Variants in NREP observed in about 807,000 individuals in gnomAD.
NREP encodes the protein neuronal regeneration-related protein.
Under a neutral mutation model 8.6 loss-of-function variants are expected in NREP, and 5 were observed. The observed-to-expected ratio is 0.58, with a 90% CI of 0.30 to 1.22. The LOEUF is 1.22. Among genes scored for constraint, NREP ranks in the 50% most tolerant of loss-of-function variants. The pLI, the probability that NREP is intolerant of heterozygous loss-of-function variation, is 0.07. For synonymous variants in NREP, 27 were observed against 28.0 expected (o/e 0.96, Z 0.11); for missense variants, 86 against 82.5 (o/e 1.04, Z -0.17).
chr5:111,960,899 ATAAAG>A (rs1440367741), intron 2 of NREP, among the ~76,000 whole-genome samples: 1 of 152,264 alleles, frequency 6.6e-6, no homozygotes, highest in African/African-American at 2.4e-5. Flanking sequence ...TGTAAAGACT[ATAAAG>A]TAATTTTAAA....
At chr5:111,759,419 TTC>T (rs1491327538), upstream of NREP, among the ~76,000 whole-genome samples, 24 of 128,852 alleles carry the variant, frequency 1.9e-4, 1 homozygote, top group East Asian at 7.1e-4. Context: ...CTTTCTTTCT[TTC>T]TTTTTTTTTT....
intron 1 of NREP, among the ~76,000 whole-genome samples, chr5:111,976,216 A>G (rs564563880): frequency 3.3e-4 from 50 of 152,322 alleles, no homozygotes; most frequent in African/African-American, 1.1e-3. Flanking sequence ...AGCTCTGCAT[A>G]TTTCAATGCT....
intron 2 of NREP, among the ~76,000 whole-genome samples, chr5:111,839,400 C>T (rs1438815923): frequency 2.0e-5 from 3 of 152,096 alleles, no homozygotes; most frequent in African/African-American, 4.8e-5. Context: ...TACATCACAT[C>T]CAAGGACAGC....
At chr5:111,881,635 TC>T (rs895367598) in intron 2 of NREP, among the ~76,000 whole-genome samples, 1 of 152,048 alleles carries the variant, frequency 6.6e-6, no homozygotes, top group African/African-American at 2.4e-5. Context: ...CAACAGAACT[TC>T]CAGAGGAACG....
intron 2 of NREP, among the ~76,000 whole-genome samples, chr5:111,904,912 T>C (rs980950487): frequency 3.9e-5 from 6 of 152,100 alleles, no homozygotes; most frequent in Non-Finnish European, 7.4e-5. Flanking sequence ...AAGAGAACCA[T>C]TTCCAAGTTA....
chr5:111,848,652 C>T (rs540672870), intron 2 of NREP, among the ~76,000 whole-genome samples: 82 of 152,036 alleles, frequency 5.4e-4, no homozygotes, highest in Non-Finnish European at 8.7e-4. Context: ...TCCCCCCAAC[C>T]CCCCCATCCC....
chr5:111,802,639 C>T (rs1457225724), intron 2 of NREP, among the ~76,000 whole-genome samples: 1 of 152,124 alleles, frequency 6.6e-6, no homozygotes, highest in Non-Finnish European at 1.5e-5. Context: ...AAGTGCATCC[C>T]ATTATCTGAA....
chr5:111,808,933 G>C (rs1468768864), intron 2 of NREP, among the ~76,000 whole-genome samples: 1 of 152,130 alleles, frequency 6.6e-6, no homozygotes, highest in Non-Finnish European at 1.5e-5. Flanking sequence ...TGAGTGACTA[G>C]CATTACACTA....
chr5:111,907,987 A>T (rs937362768), intron 2 of NREP, among the ~76,000 whole-genome samples: 1 of 152,112 alleles, frequency 6.6e-6, no homozygotes, highest in East Asian at 1.9e-4. Flanking sequence ...TATAAATATA[A>T]CATAGCTGAA....
chr5:111,904,902 A>G (rs969974475), intron 2 of NREP, among the ~76,000 whole-genome samples: 2 of 152,032 alleles, frequency 1.3e-5, no homozygotes, highest in African/African-American at 2.4e-5. Context: ...TCAGCTCTCA[A>G]AGAGAACCAT....
intron 2 of NREP, among the ~76,000 whole-genome samples, chr5:111,871,414 T>A (rs959934362): frequency 1.3e-5 from 2 of 152,084 alleles, no homozygotes; most frequent in South Asian, 4.1e-4. Context: ...TTGCTCTGGG[T>A]GAGTCAGTGA....
intron 2 of NREP, among the ~76,000 whole-genome samples, chr5:111,807,985 G>C (rs897391213): frequency 6.6e-6 from 1 of 152,070 alleles, no homozygotes; most frequent in African/African-American, 2.4e-5. Context: ...GCATAAATGA[G>C]GTTTTCCTTT....
chr5:111,875,282 G>A (rs17164114), intron 2 of NREP, among the ~76,000 whole-genome samples: 2,477 of 151,720 alleles, frequency 0.016, 43 homozygotes, highest in African/African-American at 0.041. Flanking sequence ...TGTAATAATA[G>A]GCCTCTGAGG....
chr5:111,788,840 G>C (rs890012084), intron 2 of NREP, among the ~76,000 whole-genome samples: 1 of 152,230 alleles, frequency 6.6e-6, no homozygotes, highest in Non-Finnish European at 1.5e-5. Flanking sequence ...GACTAAAGCA[G>C]ATTGCCTTCC....
chr5:111,917,350 C>T (rs1158217893), intron 2 of NREP, among the ~76,000 whole-genome samples: 1 of 152,170 alleles, frequency 6.6e-6, no homozygotes, highest in Non-Finnish European at 1.5e-5. Flanking sequence ...TCCTCCCTAA[C>T]TCATTTTATG....
In NREP at chr5:111,833,365, T is replaced by C. The variant is rs1752819518; in HGVS notation, c.136-97858A>G. Among the ~76,000 whole-genome samples, 2 of 152,230 alleles carry C rather than the reference T, an allele frequency of 1.3e-5. 1 individual carries two copies. Among genetic ancestry groups the C allele is most frequent in the South Asian group, 4.1e-4 (2 of 4,828 alleles). The stretch of plus-strand genomic sequence containing the variant: ...CCTAAACTGATCAATGATACTACTT[T>C]AGCGCCAAAAGGCATTTAGGTCAGT... On this transcript the variant is annotated intron_variant, in intron 2 of 3. Transcript: ENST00000395634.
Position 111,868,022 on chromosome 5 carries a change from A to G in NREP, c.135+107252T>C, listed in dbSNP as rs1001933204. Among the ~76,000 whole-genome samples, 43 of 152,096 alleles carry G rather than the reference A, an allele frequency of 2.8e-4. 1 individual carries two copies. The highest frequency in any genetic ancestry group is 1.0e-3 in the African/African-American group (43 of 41,418). ...ATCCCTAGTCCCTGGTGTTGGTCTT[A>G]TAAAGTTCAAGAAAGAAAGTTATAA... On this transcript the variant is annotated intron_variant, in intron 2 of 3. Transcript: ENST00000395634.
At chr5:111,964,855 CAAAA>C (rs58877839) in intron 2 of NREP, among the ~76,000 whole-genome samples, 9 of 44,882 alleles carry the variant, frequency 2.0e-4, no homozygotes, top group South Asian at 2.9e-3. Flanking sequence ...CTTTCAGCAG[CAAAA>C]AAAAAAAAAA....
chr5:111,835,549 CTAAG>C (rs906403077), intron 2 of NREP, among the ~76,000 whole-genome samples: 3 of 151,766 alleles, frequency 2.0e-5, no homozygotes, highest in South Asian at 2.1e-4. Context: ...ATAGGTAAAA[CTAAG>C]TAGACAAAGA....
Sources: gnomAD v4.1 joint callset for allele counts (sites outside exome capture counted in the v4.1 genomes callset) on GRCh38, gnomAD v4.1.1 for gene constraint, MANE v1.5 for transcripts, NCBI Gene and HGNC (gene_info 2026-07-23, HGNC 2026-07-21) for gene names.